KCNMB4: variants seen among roughly 807,000 people sequenced by gnomAD.
KCNMB4 encodes potassium calcium-activated channel subfamily M regulatory beta subunit 4.
KCNMB4 carries 3 observed loss-of-function variants against 20.7 expected under a neutral mutation model. The ratio of observed to expected loss-of-function variants is 0.14; its 90% CI spans 0.07 to 0.37. The LOEUF (loss-of-function observed/expected upper bound fraction) is 0.37, where lower values mean the gene tolerates loss of function less well. KCNMB4 is among the 10% of genes least tolerant of loss of function. KCNMB4 has a pLI of 1.00. For synonymous variants in KCNMB4, 110 were observed against 113.4 expected (o/e 0.97, Z 0.19); for missense variants, 168 against 265.9 (o/e 0.63, Z 2.56).
At chr12:70,405,791 C>A (rs763423711) in intron 2 of KCNMB4, among the ~76,000 whole-genome samples, 2 of 152,178 alleles carry the variant, frequency 1.3e-5, no homozygotes, top group East Asian at 1.9e-4. Context: ...TGAAGCCAGG[C>A]GCAATGGTGA....
At chr12:70,375,873 A>T (rs1883676254) in intron 1 of KCNMB4, among the ~76,000 whole-genome samples, 1 of 152,134 alleles carries the variant, frequency 6.6e-6, no homozygotes, top group Admixed American at 6.5e-5. Flanking sequence ...ATTTATATTT[A>T]TACAGGATAT....
chr12:70,382,257 C>A (rs1027591857), intron 1 of KCNMB4, among the ~76,000 whole-genome samples: 7 of 151,160 alleles, frequency 4.6e-5, no homozygotes, highest in Admixed American at 2.6e-4. Context: ...CACGGTGAAA[C>A]CCTGTCTCTA....
At chr12:70,411,196 A>G (rs796405674) in intron 2 of KCNMB4, among the ~76,000 whole-genome samples, 11 of 152,304 alleles carry the variant, frequency 7.2e-5, no homozygotes, top group East Asian at 5.8e-4. Context: ...CAAAATTACA[A>G]CAACTTAAGA....
At chr12:70,382,326 T>A (rs2163914) in intron 1 of KCNMB4, among the ~76,000 whole-genome samples, 6,830 of 149,588 alleles carry the variant, frequency 0.046, 282 homozygotes, top group East Asian at 0.14. Context: ...CCAGCTACTC[T>A]GGAGGCTGAG....
At chr12:70,422,735 G>T in intron 2 of KCNMB4, 1 of 1,289,036 alleles carries the variant, frequency 7.8e-7, no homozygotes, top group South Asian at 1.2e-5. Flanking sequence ...CTTTATTTCT[G>T]AGAACTCAGG....
At chr12:70,404,167 G>A (rs1439461108) in intron 2 of KCNMB4, among the ~76,000 whole-genome samples, 1 of 152,138 alleles carries the variant, frequency 6.6e-6, no homozygotes, top group Non-Finnish European at 1.5e-5. Context: ...AAGGTAGCTT[G>A]GGGTTAGATT....
intron 2 of KCNMB4, among the ~76,000 whole-genome samples, chr12:70,416,550 A>G (rs1240143275): frequency 2.6e-5 from 4 of 152,278 alleles, no homozygotes; most frequent in South Asian, 2.1e-4. Context: ...ACTGTAAGTC[A>G]CCACTTTAAT....
intron 1 of KCNMB4, among the ~76,000 whole-genome samples, chr12:70,384,335 T>G (rs890637298): frequency 1.3e-4 from 16 of 120,034 alleles, no homozygotes; most frequent in African/African-American, 5.9e-4. Flanking sequence ...GAACTGTTAC[T>G]TTAAAATAAA....
chr12:70,375,495 T>C (rs61929944), intron 1 of KCNMB4, among the ~76,000 whole-genome samples: 1 of 138,342 alleles, frequency 7.2e-6, no homozygotes, highest in Non-Finnish European at 1.6e-5. Context: ...AAAAAAAAAT[T>C]AGCCAGACAT....
chr12:70,399,821 C>A (rs1221664240), intron 1 of KCNMB4, among the ~76,000 whole-genome samples: 1 of 152,136 alleles, frequency 6.6e-6, no homozygotes, highest in Non-Finnish European at 1.5e-5. Context: ...AGGTAGAAGA[C>A]AGAAATGCCA....
chr12:70,370,961 A>G (rs1565852031), intron 1 of KCNMB4, among the ~76,000 whole-genome samples: 5 of 152,028 alleles, frequency 3.3e-5, no homozygotes, highest in African/African-American at 4.8e-5. Flanking sequence ...GGTTCAAGCA[A>G]TTCCCCTGCA....
intron 1 of KCNMB4, among the ~76,000 whole-genome samples, chr12:70,381,134 A>C (rs1236345146): frequency 2.0e-5 from 3 of 152,180 alleles, no homozygotes; most frequent in Middle Eastern, 3.2e-3. Context: ...ATGGCCAATG[A>C]GCACATGAAA....
At chr12:70,401,306 G>C (rs566824959) in intron 2 of KCNMB4, among the ~76,000 whole-genome samples, 1 of 152,198 alleles carries the variant, frequency 6.6e-6, no homozygotes, top group Non-Finnish European at 1.5e-5. Flanking sequence ...AATTACAGGC[G>C]TGAGCCACTG....
At chr12:70,394,755 T>C (rs1167210979) in intron 1 of KCNMB4, among the ~76,000 whole-genome samples, 2 of 152,082 alleles carry the variant, frequency 1.3e-5, no homozygotes, top group African/African-American at 4.8e-5. Context: ...CAGCCTTGAC[T>C]TCCTGGTCTC....
At chr12:70,372,963 T>G (rs1883624472) in intron 1 of KCNMB4, among the ~76,000 whole-genome samples, 1 of 151,892 alleles carries the variant, frequency 6.6e-6, no homozygotes, top group Admixed American at 6.6e-5. Context: ...TCAAAGAAGA[T>G]AAAATGCAAG....
chr12:70,430,516 G>A lies in KCNMB4; in HGVS notation c.496G>A (p.Asp166Asn). 6.2e-7 allele frequency: 1 copy of A among 1,613,042 alleles called. No individual in the cohort carries two copies. The highest frequency in any genetic ancestry group is 8.5e-7 in the Non-Finnish European group (1 of 1,179,660). ...TGATGTGCTTCTGCATCGCACTCAT[G>A]ATGAGATTGTCCTCCTGCATTGCTT... ...PDDVLLHRTH[D>N]EIVLLHCFLW... is the part of the protein sequence containing the mutation. Residue 166 changes from aspartate to asparagine, a missense_variant, in exon 3 of 3, where the codon GAT becomes AAT. Physicochemically the swap from Asp to Asn is conservative, Grantham distance 23 (BLOSUM62 1). Transcript: ENST00000258111.
chr12:70,422,359 C>G (rs1002882421), intron 2 of KCNMB4, among the ~76,000 whole-genome samples: 5 of 152,194 alleles, frequency 3.3e-5, no homozygotes. Context: ...ACAAGGCTGT[C>G]AGCTAGTTTT....
At chr12:70,389,743 C>T (rs1346976513) in intron 1 of KCNMB4, among the ~76,000 whole-genome samples, 2 of 152,056 alleles carry the variant, frequency 1.3e-5, no homozygotes, top group Non-Finnish European at 2.9e-5. Flanking sequence ...TGCTGGGCCC[C>T]ATCTGCCTAC....
chr12:70,385,890 G>A (rs11178212), intron 1 of KCNMB4, among the ~76,000 whole-genome samples: 6,810 of 152,188 alleles, frequency 0.045, 192 homozygotes, highest in Middle Eastern at 0.061. Context: ...AGCTGTCAAC[G>A]AACTACAACT....
Sources: allele counts gnomAD v4.1 joint callset (sites outside exome capture counted in the v4.1 genomes callset), GRCh38; gene constraint gnomAD v4.1.1; transcripts MANE v1.5; gene names NCBI Gene and HGNC (gene_info 2026-07-23, HGNC 2026-07-21).